Variants in TMC1 observed in about 807,000 individuals in gnomAD.
TMC1 encodes the protein transmembrane channel like 1.
Under a neutral mutation model 105.8 loss-of-function variants are expected in TMC1, and 84 were observed. The ratio of observed to expected loss-of-function variants is 0.79; its 90% CI spans 0.67 to 0.95. The LOEUF (loss-of-function observed/expected upper bound fraction) is 0.95. Ranked by LOEUF, TMC1 falls within the 40% of genes least tolerant of loss-of-function variation. TMC1 has a pLI of 0.00. For synonymous variants in TMC1, 315 were observed against 311.5 expected, an observed-to-expected ratio of 1.01 and a Z score of -0.12; for missense variants, 817 against 914.1, an observed-to-expected ratio of 0.89 and a Z score of 1.37.
At chr9:72,827,090 G>A (rs1473454465) in intron 21 of TMC1, 96 bp downstream of exon 21, 1 of 1,523,030 alleles carries the variant, frequency 6.6e-7, no homozygotes, top group African/African-American at 1.4e-5. Context: ...TCTCCCTAAG[G>A]GTTCTGCTGT....
intron 13 of TMC1, among the ~76,000 whole-genome samples, chr9:72,779,988 G>T (rs900682155): frequency 2.4e-4 from 37 of 151,850 alleles, no homozygotes; most frequent in African/African-American, 7.0e-4. Context: ...CAATGCAAAA[G>T]AAAAAATATT....
At chr9:72,734,914 A>G (rs146965860) in intron 8 of TMC1, among the ~76,000 whole-genome samples, 272 of 152,352 alleles carry the variant, frequency 1.8e-3, no homozygotes, top group African/African-American at 6.2e-3. Context: ...CAAAGGCAGC[A>G]TAGCATGACC....
At chr9:72,552,592 A>G (rs909949293) in intron 1 of TMC1, among the ~76,000 whole-genome samples, 1 of 152,198 alleles carries the variant, frequency 6.6e-6, no homozygotes, top group African/African-American at 2.4e-5. Flanking sequence ...ATGGATCACA[A>G]GATACTTGGA....
At chr9:72,803,746 G>A (rs1056244450) in intron 17 of TMC1, among the ~76,000 whole-genome samples, 1 of 152,198 alleles carries the variant, frequency 6.6e-6, no homozygotes. Context: ...ATGCTGGTGA[G>A]GCTGCAGAGA....
intron 14 of TMC1, among the ~76,000 whole-genome samples, 173 bp from the exon 15 acceptor site, chr9:72,788,950 A>T (rs1322332265): frequency 6.6e-6 from 1 of 152,104 alleles, no homozygotes; most frequent in Non-Finnish European, 1.5e-5. Context: ...CTTACTTGCC[A>T]TCGTTTGTTG....
chr9:72,598,439 GT>G (rs935162720), intron 2 of TMC1, among the ~76,000 whole-genome samples: 103 of 147,056 alleles, frequency 7.0e-4, no homozygotes, highest in Middle Eastern at 3.5e-3. Context: ...TTCAAAGTAA[GT>G]TTTTTTTTTT....
intron 17 of TMC1, among the ~76,000 whole-genome samples, chr9:72,798,396 A>C (rs1317830081): frequency 6.6e-6 from 1 of 151,916 alleles, no homozygotes; most frequent in Non-Finnish European, 1.5e-5. Flanking sequence ...AATCATAAAG[A>C]CACAGGCATG....
chr9:72,536,298 G>T (rs1823583546), intron 1 of TMC1, among the ~76,000 whole-genome samples: 1 of 152,186 alleles, frequency 6.6e-6, no homozygotes, highest in Admixed American at 6.5e-5. Context: ...AAAGAAAGTG[G>T]TAACAGGTCC....
chr9:72,615,007 A>G (rs1326637053), intron 2 of TMC1, among the ~76,000 whole-genome samples: 1 of 152,160 alleles, frequency 6.6e-6, no homozygotes, highest in Non-Finnish European at 1.5e-5. Flanking sequence ...TAAACTTACA[A>G]TCCTTGAAAT....
In TMC1 at chr9:72,728,818, G is replaced by T. The variant is rs73647804; in HGVS notation, c.363-11301G>T. Among the ~76,000 whole-genome samples the T allele has an allele frequency of 3.1e-3, 469 of 151,934 alleles. 3 individuals are homozygous for T. The highest frequency in any genetic ancestry group is 0.01 in the African/African-American group (428 of 41,494). On this transcript the variant is annotated intron_variant, in intron 8 of 23. Coordinates refer to ENST00000297784, the MANE Select transcript of TMC1 (RefSeq NM_138691.3). ...ATAAATTGAATCTTAAAGCAATCAA[G>T]TACAAATCAGAGTTAGGAAAAGTTT...
chr9:72,744,679 A>G (rs1254319520), intron 10 of TMC1, among the ~76,000 whole-genome samples: 1 of 152,214 alleles, frequency 6.6e-6, no homozygotes, highest in Non-Finnish European at 1.5e-5. Flanking sequence ...AGTCTTGATC[A>G]GTTGTTAGAT....
intron 1 of TMC1, among the ~76,000 whole-genome samples, chr9:72,569,476 C>T (rs1446773731): frequency 1.3e-5 from 2 of 152,102 alleles, no homozygotes; most frequent in Non-Finnish European, 2.9e-5. Flanking sequence ...AAAAGCTGGA[C>T]TCTGTGACGA....
intron 15 of TMC1, among the ~76,000 whole-genome samples, chr9:72,790,999 G>A (rs1295747984): frequency 1.3e-5 from 2 of 152,112 alleles, no homozygotes; most frequent in African/African-American, 2.4e-5. Flanking sequence ...GACAGTTTGA[G>A]CCGGGTATTT....
intron 2 of TMC1, among the ~76,000 whole-genome samples, chr9:72,600,062 A>G (rs993295145): frequency 3.9e-5 from 6 of 152,164 alleles, no homozygotes; most frequent in African/African-American, 1.4e-4. Flanking sequence ...GATGAGGGCC[A>G]TGTAGTAGGT....
At chr9:72,809,978 G>A (rs1294183689) in intron 18 of TMC1, among the ~76,000 whole-genome samples, 7 of 151,842 alleles carry the variant, frequency 4.6e-5, no homozygotes, top group Non-Finnish European at 8.8e-5. Flanking sequence ...AGAGACAGGC[G>A]TGCATCAGTA....
intron 5 of TMC1, among the ~76,000 whole-genome samples, chr9:72,677,235 T>C (rs1005894235): frequency 6.6e-6 from 1 of 151,664 alleles, no homozygotes; most frequent in South Asian, 2.1e-4. Flanking sequence ...GGAGTCCTCA[T>C]TGTGTAAGTT....
At position 72,667,467 on chromosome 9, in the gene TMC1, C is replaced by A. The variant is rs73650832; in HGVS notation, c.16+18803C>A. ...AAAAGATGTAGAAATCTCTCACCTG[C>A]TCATGTTCCTTCCTTTTTGTCTTGT... On this transcript the variant is annotated intron_variant, in intron 5 of 23. Transcript: ENST00000297784. Among the ~76,000 whole-genome samples, 342 of 152,322 alleles carry A rather than the reference C, an allele frequency of 2.2e-3. 3 individuals are homozygous for A. The highest frequency in any genetic ancestry group is 7.9e-3 in the African/African-American group (330 of 41,560).
chr9:72,643,721 T>A (rs1165376756), intron 4 of TMC1, among the ~76,000 whole-genome samples: 1 of 152,206 alleles, frequency 6.6e-6, no homozygotes, highest in East Asian at 1.9e-4. Flanking sequence ...ATTTCCAGTT[T>A]TGGCTGTGAC....
intron 5 of TMC1, among the ~76,000 whole-genome samples, chr9:72,659,767 T>C (rs896702224): frequency 1.3e-5 from 2 of 152,236 alleles, no homozygotes; most frequent in African/African-American, 4.8e-5. Context: ...TAATAAGATA[T>C]CTAGTTCTTC....
Sources: gnomAD v4.1 joint callset for allele counts (sites outside exome capture counted in the v4.1 genomes callset) on GRCh38, gnomAD v4.1.1 for gene constraint, MANE v1.5 for transcripts, NCBI Gene and HGNC (gene_info 2026-07-23, HGNC 2026-07-21) for gene names.